The following KCNN1 variants were observed in gnomAD, a reference collection of about 807,000 sequenced individuals.
KCNN1 encodes potassium calcium-activated channel subfamily N member 1, also known as small conductance calcium-activated potassium channel protein 1.
In KCNN1, 20 loss-of-function variants were observed where a neutral mutation model predicts 44.7. The observed-to-expected ratio is 0.45, with a 90% CI of 0.32 to 0.65. The LOEUF (loss-of-function observed/expected upper bound fraction) is 0.65. Among genes scored for constraint, KCNN1 ranks in the 30% least tolerant of loss-of-function variants. KCNN1 has a pLI of 0.05. For missense variants in KCNN1, 632 were observed against 785.3 expected (o/e 0.80, Z 2.33); for synonymous variants, 324 against 341.7 (o/e 0.95, Z 0.57).
In KCNN1 at chr19:17,988,481, A is replaced by G. The variant is rs1368258206; in HGVS notation, c.1126A>G (p.Lys376Glu). 1 of 1,613,888 alleles carries G rather than the reference A, an allele frequency of 6.2e-7. No individual in the cohort carries two copies. The highest frequency in any genetic ancestry group is 8.5e-7 in the Non-Finnish European group (1 of 1,179,948). The stretch of plus-strand genomic sequence containing the variant: ...GAAGCTGGAGCTCACCAAGGCTGAG[A>G]AGCACGTGCACAACTTCATGATGGA... ...ARKLELTKAE[K>E]HVHNFMMDTQ... The change falls in exon 6 of 10, where the codon AAG becomes GAG. Residue 376 changes from lysine (K) to glutamate (E), a missense_variant. By Grantham distance (56) the Lys-to-Glu change is moderately conservative. Transcript: ENST00000684775.
intron 4 of KCNN1, chr19:17,982,585 C>T (rs2032455373): frequency 1.0e-6 from 1 of 985,368 alleles, no homozygotes; most frequent in African/African-American, 1.7e-5. Context: ...ATGTGAGTCC[C>T]ACCCTCCGCT....
intron 2 of KCNN1, among the ~76,000 whole-genome samples, chr19:17,955,840 G>T (rs1046338345): frequency 8.0e-5 from 12 of 149,412 alleles, no homozygotes; most frequent in African/African-American, 2.9e-4. Flanking sequence ...TCTCGCTGGA[G>T]ACAGCCCCCA....
chr19:17,994,663 C>T (rs2032921459), intron 9 of KCNN1, among the ~76,000 whole-genome samples: 2 of 152,086 alleles, frequency 1.3e-5, no homozygotes, highest in African/African-American at 4.8e-5. Flanking sequence ...CGTGCTTCAG[C>T]CTCCAGAGTA....
rs529249713 is a variant in KCNN1 at position 17,967,248 on chromosome 19, T to G, written c.-151T>G. 1.5e-4 allele frequency: 152 copies of G among 982,510 alleles called. 2 individuals carry two copies. In the South Asian group the frequency reaches 6.4e-3, roughly 41 times the overall value. 60.9% of individuals were successfully genotyped at this position (982,510 alleles called of 1,614,324 possible). ...CGCGACCCCGGCTCCGGCTCCCGAC[T>G]GGGGGTCCGCGGCCGCGCGGGACCC... On this transcript the variant is annotated 5_prime_UTR_variant, in exon 1 of 10. Coordinates refer to ENST00000684775, the MANE Select transcript of KCNN1 (RefSeq NM_001386974.1).
In KCNN1 at chr19:17,974,046, G is replaced by C. The variant is rs555956505; in HGVS notation, c.158G>C (p.Arg53Pro). 6 of 1,610,198 alleles carry C rather than the reference G, an allele frequency of 3.7e-6. No homozygotes were observed. The highest frequency in any genetic ancestry group is 2.2e-5 in the East Asian group (1 of 44,800). Residue 53 changes from arginine to proline, a missense_variant, in exon 2 of 10, where the codon CGG (arginine) becomes CCG (proline). By Grantham distance (103) the Arg-to-Pro change is moderately radical (BLOSUM62 -2). Around this residue, in one of 3 missense-constraint regions of KCNN1, gnomAD observed 235 missense variants for 224.0 expected, o/e 1.05. Coordinates refer to ENST00000684775, the MANE Select transcript of KCNN1 (RefSeq NM_001386974.1). The surrounding 1 kb of genome is among the most constrained non-coding windows in gnomAD (Gnocchi z 7.3). ...QVVVAKSEPA[R>P]PSPGSPRGQP... ...GTAGTGGCCAAGAGTGAGCCAGCCCGGCCCTCACCCGGCAGCCCCCGGGGG... is the reference window on the plus strand; with the variant it reads ...GTAGTGGCCAAGAGTGAGCCAGCCCCGCCCTCACCCGGCAGCCCCCGGGGG...
chr19:17,978,245 G>A (rs570643491), intron 3 of KCNN1, among the ~76,000 whole-genome samples: 1 of 148,134 alleles, frequency 6.8e-6, no homozygotes, highest in Admixed American at 6.9e-5. Flanking sequence ...TCCTGCCTCA[G>A]CCTCCTGAGT....
chr19:17,960,096 CAAACAAAA>C (rs1305495337), intron 2 of KCNN1, among the ~76,000 whole-genome samples: 4 of 146,286 alleles, frequency 2.7e-5, no homozygotes, highest in African/African-American at 7.8e-5. Flanking sequence ...AAAACTAAAC[CAAACAAAA>C]AAACAAAAAA....
rs1047734521 is a variant in KCNN1 at position 17,999,872 on chromosome 19, G to A, written c.*1466G>A. ...GAATGACCAGCTTGGGCCCACGCAC[G>A]AGAAGGGTATGAGGAGGTGCTGGTC... On this transcript the variant is annotated 3_prime_UTR_variant, in exon 10 of 10. Transcript: ENST00000684775. 7.0e-6 allele frequency: 3 copies of A among 430,468 alleles called. No individual in the cohort carries two copies. Among genetic ancestry groups the A allele is most frequent in the Non-Finnish European group, 1.4e-5 (3 of 212,974 alleles). The allele number at this position is 430,468 out of a possible 1,614,324, so 26.7% of individuals were successfully genotyped here.
Position 17,974,736 on chromosome 19 carries a change from G to T in KCNN1, c.403-356G>T, listed in dbSNP as rs2032150146. 6.6e-6 allele frequency among the ~76,000 whole-genome samples: 1 copy of T among 152,222 alleles called. No homozygotes were observed. Among genetic ancestry groups the T allele is most frequent in the Non-Finnish European group, 1.5e-5 (1 of 68,036 alleles). On this transcript the variant is annotated intron_variant, in intron 2 of 9. Transcript: ENST00000684775. This position sits in a 1 kb window ranked among gnomAD's most constrained non-coding sequence, Gnocchi z 7.3. ...AGCCTGTAAACTCTGAAGTGCCGAG[G>T]CTGGATGAGGTCCGGCCTTGTGAAC...
chr19:17,957,606 C>T (rs983862955), intron 2 of KCNN1, among the ~76,000 whole-genome samples: 24 of 151,844 alleles, frequency 1.6e-4, no homozygotes, highest in South Asian at 2.1e-4. Context: ...ATGAGCTTGG[C>T]GTGTTTGAGG....
At chr19:17,990,833 A>G (rs4283343) in intron 7 of KCNN1, among the ~76,000 whole-genome samples, 18,977 of 150,536 alleles carry the variant, frequency 0.13, 1,345 homozygotes, top group East Asian at 0.2. Context: ...AAGAAAAAAA[A>G]GAAGAAAGAA....
In KCNN1 at chr19:17,998,598, C is replaced by G. The variant is rs558155368; in HGVS notation, c.*192C>G. On this transcript the variant is annotated 3_prime_UTR_variant, in exon 10 of 10. Transcript: ENST00000684775. The surrounding 1 kb of genome is among the most constrained non-coding windows in gnomAD (Gnocchi z 5.4). Reference sequence around the variant, plus strand: ...GACCATGGGTGAGGGCAGGGGAGCCCGGAGCTTCCTCTGGTCACCTGGTCC... The same window carrying G: ...GACCATGGGTGAGGGCAGGGGAGCCGGGAGCTTCCTCTGGTCACCTGGTCC... 2 of 537,598 alleles carry G rather than the reference C, an allele frequency of 3.7e-6. No homozygotes were observed. Among genetic ancestry groups the G allele is most frequent in the Non-Finnish European group, 6.1e-6 (2 of 327,954 alleles). The allele number at this position is 537,598 out of a possible 1,614,324, so 33.3% of individuals were successfully genotyped here.
chr19:17,957,165 AGAGGAGAGGGGAGGAGAGGAGAGGG>A (rs1208958007), intron 2 of KCNN1, among the ~76,000 whole-genome samples: 3 of 118,676 alleles, frequency 2.5e-5, no homozygotes, highest in Non-Finnish European at 5.3e-5. Context: ...GAAAAAAAGG[AGAGGAGAGGGGAGGAGAGGAGAGGG>A]GAGGAGAGGG....
At chr19:17,984,604 G>C (rs777519932) in intron 4 of KCNN1, among the ~76,000 whole-genome samples, 30 of 152,136 alleles carry the variant, frequency 2.0e-4, no homozygotes, top group Non-Finnish European at 3.4e-4. Context: ...CAGACCCAGA[G>C]AGCCAAGCCC....
rs116976810 is a variant in KCNN1 at position 17,999,538 on chromosome 19, G to A, written c.*1132G>A. 3,619 of 157,222 alleles carry A rather than the reference G, an allele frequency of 0.023. 74 individuals carry two copies. Among genetic ancestry groups the A allele is most frequent in the East Asian group, 0.098 (528 of 5,376 alleles). The allele number at this position is 157,222 out of a possible 1,614,324, so 9.7% of individuals were successfully genotyped here. ...ACTTGGTGGAAGGGACTCCATGGAG[G>A]AGCCATGGGGACGTCAGGAGGAGGG... On this transcript the variant is annotated 3_prime_UTR_variant, in exon 10 of 10. Coordinates refer to ENST00000684775, the MANE Select transcript of KCNN1 (RefSeq NM_001386974.1).
intron 2 of KCNN1, among the ~76,000 whole-genome samples, chr19:17,957,161 A>AAGGAGAGGAGAGGGG (rs1188353725): frequency 9.5e-6 from 1 of 105,442 alleles, no homozygotes; most frequent in Non-Finnish European, 2.0e-5. Flanking sequence ...GAGAGAAAAA[A>AAGGAGAGGAGAGGGG]AGGAGAGGAG....
chr19:17,998,483 G>A lies in KCNN1; in HGVS notation c.*77G>A, dbSNP rs1041596110. The A allele has an allele frequency of 1.0e-5, 14 of 1,347,880 alleles. No homozygotes were observed. In the East Asian group the frequency reaches 2.1e-4, roughly 20 times the overall value. The allele number at this position is 1,347,880 out of a possible 1,614,324, so 83.5% of individuals were successfully genotyped here. ...CCTCCGGGAAGCCTTGTACAGTGGC[G>A]CCTCTTGGAGTTCAAGAAGCCAACG... On this transcript the variant is annotated 3_prime_UTR_variant, in exon 10 of 10. Coordinates refer to ENST00000684775, the MANE Select transcript of KCNN1 (RefSeq NM_001386974.1). This position sits in a 1 kb window ranked among gnomAD's most constrained non-coding sequence, Gnocchi z 5.4.
intron 2 of KCNN1, among the ~76,000 whole-genome samples, chr19:17,957,693 G>A (rs937549441): frequency 1.3e-5 from 2 of 152,132 alleles, no homozygotes; most frequent in Non-Finnish European, 2.9e-5. Flanking sequence ...TCGGCAGGTA[G>A]GAGCCAAGCT....
intron 2 of KCNN1, among the ~76,000 whole-genome samples, chr19:17,959,504 C>T (rs900722859): frequency 6.6e-6 from 1 of 152,054 alleles, no homozygotes; most frequent in Non-Finnish European, 1.5e-5. Context: ...GATCCACCCA[C>T]CTCGGCCTCC....
Sources: allele counts gnomAD v4.1 joint callset (sites outside exome capture counted in the v4.1 genomes callset), GRCh38; gene constraint gnomAD v4.1.1; regional missense constraint gnomAD v4.1.1; non-coding constraint Gnocchi (gnomAD v3.1); transcripts MANE v1.5; gene names NCBI Gene and HGNC (gene_info 2026-07-23, HGNC 2026-07-21).